RNF212B: variants seen among roughly 807,000 people sequenced by gnomAD.
RNF212B encodes E3 ubiquitin-protein ligase RNF212B.
RNF212B carries 52 observed loss-of-function variants against 55.5 expected under a neutral mutation model. The observed-to-expected ratio is 0.94, with a 90% CI of 0.75 to 1.18. The LOEUF is 1.18. Among genes scored for constraint, RNF212B ranks in the 50% most tolerant of loss-of-function variants. The probability of loss-of-function intolerance (pLI) is 0.00; values close to 1 mark genes in which losing one functional copy is unlikely to be tolerated. For synonymous variants in RNF212B, 99 were observed against 121.4 expected (o/e 0.82, Z 1.21); for missense variants, 289 against 350.4 (o/e 0.82, Z 1.40).
chr14:23,237,253 C>A (rs1594916008), upstream of RNF212B, among the ~76,000 whole-genome samples: 1 of 152,068 alleles, frequency 6.6e-6, no homozygotes, highest in African/African-American at 2.4e-5. Flanking sequence ...CCTCAGCCTC[C>A]TCAGTAGCTG....
At chr14:23,206,834 A>AAAAC (rs1179202064) in intron 2 of RNF212B, among the ~76,000 whole-genome samples, 4 of 152,154 alleles carry the variant, frequency 2.6e-5, no homozygotes, top group South Asian at 2.1e-4. Context: ...CTATTTTAGC[A>AAAAC]AAACAAACAA....
At chr14:23,231,520 ATCTAGATT>A (rs1186969693) in intron 2 of RNF212B, among the ~76,000 whole-genome samples, 19 of 152,362 alleles carry the variant, frequency 1.2e-4, no homozygotes, top group African/African-American at 4.3e-4. Flanking sequence ...AAAATTACAA[ATCTAGATT>A]TCTAGAATTT....
chr14:23,206,597 C>T (rs1879858604), intron 2 of RNF212B, among the ~76,000 whole-genome samples: 1 of 152,112 alleles, frequency 6.6e-6, no homozygotes, highest in East Asian at 1.9e-4. Flanking sequence ...TTCTTGATAA[C>T]CTGTTTCACA....
chr14:23,263,587 T>C (rs1207051151), intron 9 of RNF212B, among the ~76,000 whole-genome samples: 1 of 152,208 alleles, frequency 6.6e-6, no homozygotes, highest in African/African-American at 2.4e-5. Flanking sequence ...AATTTGTTTT[T>C]TCATACCACA....
chr14:23,208,863 A>G (rs188746037), intron 2 of RNF212B, among the ~76,000 whole-genome samples: 4 of 142,404 alleles, frequency 2.8e-5, no homozygotes, highest in East Asian at 4.2e-4. Flanking sequence ...GGTTCACGCC[A>G]TTCTCCTGAC....
chr14:23,261,845 GT>G (rs537118330), intron 7 of RNF212B, among the ~76,000 whole-genome samples: 116 of 152,098 alleles, frequency 7.6e-4, no homozygotes, highest in African/African-American at 2.3e-3. Flanking sequence ...GACACCTGTA[GT>G]CCCAGCTGCT....
intron 2 of RNF212B, among the ~76,000 whole-genome samples, chr14:23,240,657 T>A (rs1883502921): frequency 6.6e-6 from 1 of 152,226 alleles, no homozygotes; most frequent in South Asian, 2.1e-4. Flanking sequence ...AGCAAATCTA[T>A]TACTTGAGGA....
intron 2 of RNF212B, among the ~76,000 whole-genome samples, chr14:23,216,004 G>A (rs1309548857): frequency 1.3e-5 from 2 of 152,172 alleles, no homozygotes; most frequent in African/African-American, 4.8e-5. Flanking sequence ...CCAGCACTTT[G>A]GGAGGCCAAG....
intron 2 of RNF212B, among the ~76,000 whole-genome samples, chr14:23,217,941 A>G (rs1881243842): frequency 6.6e-6 from 1 of 152,196 alleles, no homozygotes; most frequent in African/African-American, 2.4e-5. Flanking sequence ...CTTTTGAGGC[A>G]GAGAATTCAA....
rs574119092 is a variant in RNF212B, at chr14:23,209,230, G to A, written c.-2+15829G>A. ...GTAAGGACGACCAGAGGTCACTCTC[G>A]TAGCCATTTTGGTTTTGGTGGGTTT... On this transcript the variant is annotated intron_variant, in intron 2 of 15. Coordinates refer to the RNF212B transcript ENST00000399910. Among the ~76,000 whole-genome samples the A allele has an allele frequency of 3.8e-4, 58 of 152,264 alleles. 1 individual carries two copies. Among genetic ancestry groups the A allele is most frequent in the East Asian group, 3.1e-3 (16 of 5,186 alleles).
chr14:23,233,562 C>CAA (rs35654046), upstream of RNF212B, among the ~76,000 whole-genome samples: 570 of 58,336 alleles, frequency 9.8e-3, 8 homozygotes, highest in Middle Eastern at 0.017. Context: ...CCCATCTCTA[C>CAA]AAAAAAAAAA....
At chr14:23,234,808 C>T (rs1882980157), upstream of RNF212B, among the ~76,000 whole-genome samples, 1 of 152,224 alleles carries the variant, frequency 6.6e-6, no homozygotes, top group Non-Finnish European at 1.5e-5. Context: ...AGGCATGATG[C>T]TACATGCCTG....
intron 2 of RNF212B, among the ~76,000 whole-genome samples, chr14:23,212,210 T>A (rs181266623): frequency 2.3e-4 from 35 of 152,354 alleles, no homozygotes; most frequent in Admixed American, 1.3e-3. Context: ...TTTTTCCCTA[T>A]GATCAAGACT....
chr14:23,264,487 G>A, intron 10 of RNF212B, 136 bp from the exon 11 acceptor site: 1 of 717,026 alleles, frequency 1.4e-6, no homozygotes, highest in Admixed American at 3.1e-5. Flanking sequence ...AGTAAAGTAT[G>A]GATCTTTCTT....
At chr14:23,270,432 C>T (rs1885991950) in intron 13 of RNF212B, among the ~76,000 whole-genome samples, 168 bp from the exon 14 acceptor site, 1 of 152,206 alleles carries the variant, frequency 6.6e-6, no homozygotes, top group African/African-American at 2.4e-5. Flanking sequence ...AGTACCTGGT[C>T]CTCACAGGAA....
intron 2 of RNF212B, among the ~76,000 whole-genome samples, chr14:23,226,906 C>G (rs1265715099): frequency 1.3e-4 from 20 of 150,246 alleles, no homozygotes; most frequent in Admixed American, 1.3e-3. Context: ...GCCTCTCAGA[C>G]TGCTAAGATT....
intron 2 of RNF212B, among the ~76,000 whole-genome samples, chr14:23,223,395 G>A (rs569641359): frequency 4.0e-5 from 6 of 151,312 alleles, no homozygotes; most frequent in South Asian, 2.1e-4. Flanking sequence ...TTGCTCTGTC[G>A]CTCAGGCTGG....
intron 1 of RNF212B, among the ~76,000 whole-genome samples, chr14:23,239,949 C>T (rs975544588): frequency 6.7e-6 from 1 of 148,748 alleles, no homozygotes; most frequent in African/African-American, 2.5e-5. Flanking sequence ...CAAACTGGCA[C>T]ATGTATTAAT....
At chr14:23,246,605 C>A (rs1374413494) in intron 4 of RNF212B, among the ~76,000 whole-genome samples, 1 of 151,834 alleles carries the variant, frequency 6.6e-6, no homozygotes, top group Non-Finnish European at 1.5e-5. Flanking sequence ...AAAAAACAAA[C>A]AAAAAACAGA....
Sources: allele counts gnomAD v4.1 joint callset (sites outside exome capture counted in the v4.1 genomes callset), GRCh38; gene constraint gnomAD v4.1.1; transcripts MANE v1.5; gene names NCBI Gene and HGNC (gene_info 2026-07-23, HGNC 2026-07-21).